NELL1: variants seen among roughly 807,000 people sequenced by gnomAD.
NELL1 encodes the protein neural EGFL like 1, also known as protein kinase C-binding protein NELL1.
NELL1 carries 76 observed loss-of-function variants against 107.4 expected under a neutral mutation model. That is an observed-to-expected ratio of 0.71 (90% CI 0.59 to 0.86). The LOEUF (loss-of-function observed/expected upper bound fraction) is 0.86, where lower values mean the gene tolerates loss of function less well. Ranked by LOEUF, NELL1 falls within the 40% of genes least tolerant of loss-of-function variation. The pLI is 0.00. For synonymous variants in NELL1, 353 were observed against 341.2 expected, an observed-to-expected ratio of 1.03 and a Z score of -0.38; for missense variants, 1,024 against 1,005.5, an observed-to-expected ratio of 1.02 and a Z score of -0.25.
chr11:21,419,393 T>A (rs1447104375), intron 15 of NELL1, among the ~76,000 whole-genome samples: 2 of 152,162 alleles, frequency 1.3e-5, no homozygotes, highest in Non-Finnish European at 2.9e-5. Flanking sequence ...CACATTTTTG[T>A]GTAATAATGC....
intron 4 of NELL1, among the ~76,000 whole-genome samples, chr11:20,872,227 G>A (rs1041755184): frequency 1.4e-5 from 2 of 146,878 alleles, no homozygotes; most frequent in African/African-American, 5.0e-5. Flanking sequence ...AGGCTGGAGT[G>A]CAGTGGCACA....
At chr11:21,563,118 C>A (rs1856889139) in intron 17 of NELL1, among the ~76,000 whole-genome samples, 1 of 152,056 alleles carries the variant, frequency 6.6e-6, no homozygotes, top group South Asian at 2.1e-4. Context: ...ATTTAGACCA[C>A]AGGAACCCAG....
rs185825312 is a variant in NELL1, at chr11:21,212,124, T to G, written c.1427-17208T>G. On this transcript the variant is annotated intron_variant, in intron 13 of 19. Coordinates refer to ENST00000357134, the MANE Select transcript of NELL1 (RefSeq NM_006157.5). ...TACAGGTGTGAACCATGGTTCTGCT[T>G]CTTCTGACATAGTTTGATAGTGGCT... Among the ~76,000 whole-genome samples the G allele has an allele frequency of 2.5e-3, 383 of 152,152 alleles. 4 individuals carry two copies. Among genetic ancestry groups the G allele is most frequent in the Non-Finnish European group, 3.2e-4 (22 of 67,976 alleles).
At chr11:21,263,725 A>G (rs1019902965) in intron 14 of NELL1, among the ~76,000 whole-genome samples, 1 of 151,836 alleles carries the variant, frequency 6.6e-6, no homozygotes, top group Admixed American at 6.6e-5. Context: ...TTAATTCCTG[A>G]GCCTCTTAAA....
chr11:21,373,439 T>C (rs1851400656), intron 15 of NELL1, among the ~76,000 whole-genome samples: 1 of 152,134 alleles, frequency 6.6e-6, no homozygotes, highest in Admixed American at 6.6e-5. Flanking sequence ...ACTAAATCTT[T>C]CATTTGATTT....
In NELL1 at chr11:20,863,338, C is replaced by T. The variant is rs71453101; in HGVS notation, c.506+15585C>T. Reference sequence around the variant, plus strand: ...CAGGGGCTGTTCTCCACCTCCCTCCCGGACGGGGCGGCTGGCCGGGCGGGG... The same window carrying T: ...CAGGGGCTGTTCTCCACCTCCCTCCTGGACGGGGCGGCTGGCCGGGCGGGG... On this transcript the variant is annotated intron_variant, in intron 4 of 19. Transcript: ENST00000357134. 9.4e-4 allele frequency among the ~76,000 whole-genome samples: 67 copies of T among 71,580 alleles called. 5 individuals carry two copies. The highest frequency in any genetic ancestry group is 2.4e-3 in the African/African-American group (66 of 26,990). 47.0% of individuals were successfully genotyped at this position (71,580 alleles called of 152,430 possible).
intron 4 of NELL1, among the ~76,000 whole-genome samples, chr11:20,863,668 C>A (rs1016499189): frequency 2.6e-5 from 4 of 151,402 alleles, no homozygotes; most frequent in Non-Finnish European, 5.9e-5. Context: ...AGACGATGGG[C>A]AGCCAGGCAG....
At chr11:20,721,161 GATATAGATATATATTTTGTGTATAT>G (rs1343510894) in intron 2 of NELL1, among the ~76,000 whole-genome samples, 84 of 114,648 alleles carry the variant, frequency 7.3e-4, no homozygotes, top group African/African-American at 3.7e-3. Context: ...AAACCAATGA[GATATAGATATATATTTTGTGTATAT>G]ATATATATAT....
At chr11:21,307,019 G>A (rs1849619640) in intron 14 of NELL1, among the ~76,000 whole-genome samples, 1 of 151,936 alleles carries the variant, frequency 6.6e-6, no homozygotes. Flanking sequence ...TGAGTCAATA[G>A]CGTGCCTTTT....
intron 15 of NELL1, among the ~76,000 whole-genome samples, chr11:21,526,368 A>G (rs561825777): frequency 1.3e-5 from 2 of 152,262 alleles, no homozygotes; most frequent in Admixed American, 6.5e-5. Flanking sequence ...GCTGCTTTCA[A>G]GGGTTGGCAT....
At chr11:20,835,218 G>T (rs560438223) in intron 3 of NELL1, among the ~76,000 whole-genome samples, 1 of 152,054 alleles carries the variant, frequency 6.6e-6, no homozygotes, top group Non-Finnish European at 1.5e-5. Flanking sequence ...TCCTCTCCTC[G>T]TTTTAAAGGT....
At chr11:21,498,807 G>C (rs1186138635) in intron 15 of NELL1, among the ~76,000 whole-genome samples, 1 of 151,934 alleles carries the variant, frequency 6.6e-6, no homozygotes, top group Non-Finnish European at 1.5e-5. Flanking sequence ...ACTGCTGCTT[G>C]GTGCAGGCTG....
chr11:21,148,983 GT>G (rs1371951088), intron 13 of NELL1, among the ~76,000 whole-genome samples: 2 of 152,102 alleles, frequency 1.3e-5, no homozygotes, highest in African/African-American at 4.8e-5. Flanking sequence ...TCCCTACTCT[GT>G]CTCTTTCTAA....
At chr11:20,847,547 C>T (rs771187986) in intron 3 of NELL1, 36 bp from the exon 4 acceptor site, 3 of 1,594,854 alleles carry the variant, frequency 1.9e-6, no homozygotes, top group South Asian at 1.1e-5. Flanking sequence ...ATATCCAGAA[C>T]TAAAATAAAA....
At chr11:20,910,990 C>A (rs1850118514) in intron 5 of NELL1, among the ~76,000 whole-genome samples, 1 of 152,138 alleles carries the variant, frequency 6.6e-6, no homozygotes, top group African/African-American at 2.4e-5. Flanking sequence ...TTTAATGCTC[C>A]CTGTATGTTT....
intron 15 of NELL1, among the ~76,000 whole-genome samples, chr11:21,419,895 C>A (rs182181207): frequency 3.9e-5 from 6 of 152,274 alleles, no homozygotes; most frequent in Admixed American, 3.9e-4. Flanking sequence ...CACTGCCATG[C>A]ATTTGCCATG....
At position 21,525,524 on chromosome 11, in the gene NELL1, C is replaced by T. The variant is rs182254604; in HGVS notation, c.1646-8850C>T. Among the ~76,000 whole-genome samples the T allele has an allele frequency of 6.2e-4, 95 of 152,284 alleles. 1 individual carries two copies. The highest frequency in any genetic ancestry group is 2.1e-3 in the African/African-American group (89 of 41,566). On this transcript the variant is annotated intron_variant, in intron 15 of 19. Coordinates refer to ENST00000357134, the MANE Select transcript of NELL1 (RefSeq NM_006157.5). ...TAGCAGTCATTCAGCTGGTTAGCAG[C>T]AGAAGAAGCTATGAGCCCAAAGCTA...
At chr11:21,135,618 C>T (rs1400382) in intron 13 of NELL1, among the ~76,000 whole-genome samples, 109,776 of 152,028 alleles carry the variant, frequency 0.72, 39,937 homozygotes, top group African/African-American at 0.79. Flanking sequence ...ACAATAGCTG[C>T]TCCTTTATCA....
intron 3 of NELL1, among the ~76,000 whole-genome samples, chr11:20,834,936 CCATATGT>C (rs1848505445): frequency 6.6e-6 from 1 of 152,134 alleles, no homozygotes; most frequent in Non-Finnish European, 1.5e-5. Context: ...AGGAAAAGGG[CCATATGT>C]CAGTGGTTGG....
Sources: gnomAD v4.1 joint callset for allele counts (sites outside exome capture counted in the v4.1 genomes callset) on GRCh38, gnomAD v4.1.1 for gene constraint, MANE v1.5 for transcripts, NCBI Gene and HGNC (gene_info 2026-07-23, HGNC 2026-07-21) for gene names.